NMBR: variants seen among roughly 807,000 people sequenced by gnomAD.
The protein encoded by NMBR is neuromedin-B receptor.
Under a neutral mutation model 20.5 loss-of-function variants are expected in NMBR, and 16 were observed. That is an observed-to-expected ratio of 0.78 (90% CI 0.53 to 1.19). The LOEUF (loss-of-function observed/expected upper bound fraction) is 1.19. Among genes scored for constraint, NMBR ranks in the 50% most tolerant of loss-of-function variants. The pLI, the probability that NMBR is intolerant of heterozygous loss-of-function variation, is 0.00. For missense variants in NMBR, 582 were observed against 499.1 expected, an observed-to-expected ratio of 1.17 and a Z score of -1.58; for synonymous variants, 212 against 196.6, an observed-to-expected ratio of 1.08 and a Z score of -0.65.
chr6:142,121,342 C>T (rs1158573240), intron 1 of NMBR, among the ~76,000 whole-genome samples: 1 of 151,946 alleles, frequency 6.6e-6, no homozygotes, highest in African/African-American at 2.4e-5. Flanking sequence ...TCACAGGTCT[C>T]TCACTTGAAA....
At chr6:142,132,814 G>C (rs1778168701) in intron 1 of NMBR, among the ~76,000 whole-genome samples, 1 of 152,156 alleles carries the variant, frequency 6.6e-6, no homozygotes. Context: ...CAGAAGCGTT[G>C]AGTGCTCAGA....
chr6:142,120,383 A>C (rs1777922490), intron 1 of NMBR, among the ~76,000 whole-genome samples: 1 of 151,926 alleles, frequency 6.6e-6, no homozygotes, highest in African/African-American at 2.4e-5. Context: ...GTCTCACTGA[A>C]TTGAAGAACC....
intron 1 of NMBR, among the ~76,000 whole-genome samples, chr6:142,100,289 G>C (rs191861731): frequency 7.1e-6 from 1 of 141,460 alleles, no homozygotes; most frequent in East Asian, 3.4e-4. Flanking sequence ...ATTCATAATT[G>C]CTAAAAGTTG....
intron 2 of NMBR, among the ~76,000 whole-genome samples, chr6:142,084,847 C>T (rs1777169976): frequency 1.3e-5 from 2 of 152,122 alleles, no homozygotes; most frequent in African/African-American, 2.4e-5. Flanking sequence ...CGCCACCAAC[C>T]TGATGTCACA....
At position 142,075,543 on chromosome 6, in the gene NMBR, G is replaced by T. The variant is rs1477694482; in HGVS notation, c.*105C>A. 3 of 1,061,036 alleles carry T rather than the reference G, an allele frequency of 2.8e-6. No individual in the cohort carries two copies. Among genetic ancestry groups the T allele is most frequent in the African/African-American group, 3.2e-5 (2 of 62,268 alleles). 65.7% of individuals were successfully genotyped at this position (1,061,036 alleles called of 1,614,324 possible). On this transcript the variant is annotated 3_prime_UTR_variant, in exon 4 of 4. Transcript: ENST00000258042. Reference sequence around the variant, plus strand: ...GTCTTGCATTTTCTGAGTCAATCATGCAATTGCCTAATAAATTAGCTAAGC... The same window carrying T: ...GTCTTGCATTTTCTGAGTCAATCATTCAATTGCCTAATAAATTAGCTAAGC...
intron 1 of NMBR, among the ~76,000 whole-genome samples, chr6:142,125,373 A>G (rs1778012079): frequency 7.8e-6 from 1 of 128,278 alleles, no homozygotes; most frequent in African/African-American, 2.8e-5. Flanking sequence ...AGGATTAAAT[A>G]TAAATCATCC....
intron 1 of NMBR, among the ~76,000 whole-genome samples, chr6:142,109,876 T>A (rs1777729593): frequency 6.6e-6 from 1 of 152,086 alleles, no homozygotes; most frequent in South Asian, 2.1e-4. Context: ...CATGTAAGGA[T>A]GCCGCAAAAT....
At chr6:142,120,467 A>G (rs541810759) in intron 1 of NMBR, among the ~76,000 whole-genome samples, 97 of 152,082 alleles carry the variant, frequency 6.4e-4, no homozygotes, top group African/African-American at 2.1e-3. Context: ...GGTAGAAGCT[A>G]AACAGGGAGA....
At chr6:142,114,110 T>C (rs933493167) in intron 1 of NMBR, among the ~76,000 whole-genome samples, 3 of 152,142 alleles carry the variant, frequency 2.0e-5, no homozygotes, top group Non-Finnish European at 4.4e-5. Flanking sequence ...CAAAGTGTTC[T>C]GGAGAGGTTA....
chr6:142,094,705 T>C (rs1296962389), intron 1 of NMBR, among the ~76,000 whole-genome samples: 8 of 152,206 alleles, frequency 5.3e-5, no homozygotes, highest in Non-Finnish European at 1.2e-4. Context: ...ATTGGTAGCT[T>C]GATGGGGATG....
intron 3 of NMBR, among the ~76,000 whole-genome samples, chr6:142,078,116 A>G (rs1195765493): frequency 6.6e-6 from 1 of 152,110 alleles, no homozygotes; most frequent in Admixed American, 6.5e-5. Context: ...ATCCCATCCC[A>G]AGATCCCAGG....
At chr6:142,124,621 G>A (rs947632678) in intron 1 of NMBR, among the ~76,000 whole-genome samples, 35 of 151,822 alleles carry the variant, frequency 2.3e-4, no homozygotes, top group African/African-American at 7.5e-4. Flanking sequence ...CATATCCCCC[G>A]CCAAAAATAA....
chr6:142,092,944 T>C (rs1777358519), intron 1 of NMBR, among the ~76,000 whole-genome samples: 4 of 152,156 alleles, frequency 2.6e-5, no homozygotes, highest in Admixed American at 2.0e-4. Flanking sequence ...AGAAGCTAAG[T>C]TCCTACCAGC....
intron 1 of NMBR, among the ~76,000 whole-genome samples, chr6:142,091,920 G>A (rs1777332556): frequency 6.6e-6 from 1 of 152,094 alleles, no homozygotes; most frequent in Non-Finnish European, 1.5e-5. Flanking sequence ...ATTGTTGTAA[G>A]TGAATATGAA....
chr6:142,146,394 T>G (rs1456391394), intron 1 of NMBR, among the ~76,000 whole-genome samples: 1 of 152,108 alleles, frequency 6.6e-6, no homozygotes, highest in Non-Finnish European at 1.5e-5. Flanking sequence ...AGAAGGTTAT[T>G]GGAGGAAGTA....
chr6:142,104,808 G>A (rs1444652183), intron 1 of NMBR, among the ~76,000 whole-genome samples: 2 of 152,210 alleles, frequency 1.3e-5, no homozygotes, highest in African/African-American at 2.4e-5. Flanking sequence ...ATGCATGGAT[G>A]TGAAGAGACC....
At chr6:142,093,124 A>G (rs1176146567) in intron 1 of NMBR, among the ~76,000 whole-genome samples, 14 of 152,054 alleles carry the variant, frequency 9.2e-5, no homozygotes, top group Admixed American at 9.2e-4. Context: ...ACCTGATGGT[A>G]TCTTAGAACA....
intron 1 of NMBR, chr6:142,134,017 G>C: frequency 1.4e-6 from 1 of 697,642 alleles, no homozygotes; most frequent in Non-Finnish European, 2.6e-6. Context: ...ATCAGTTCAG[G>C]CCAATCACTC....
chr6:142,137,914 A>T (rs1005872582), intron 1 of NMBR, among the ~76,000 whole-genome samples: 1 of 152,098 alleles, frequency 6.6e-6, no homozygotes, highest in Admixed American at 6.6e-5. Context: ...ATAGAAATAT[A>T]GTTACCAAAT....
Sources: gnomAD v4.1 joint callset for allele counts (sites outside exome capture counted in the v4.1 genomes callset) on GRCh38, gnomAD v4.1.1 for gene constraint, MANE v1.5 for transcripts, NCBI Gene and HGNC (gene_info 2026-07-23, HGNC 2026-07-21) for gene names.